The following FRMPD4 variants were observed in gnomAD, a reference collection of about 807,000 sequenced individuals.
FRMPD4 encodes FERM and PDZ domain containing 4.
Under a neutral mutation model 94.1 loss-of-function variants are expected in FRMPD4, and 22 were observed. That is an observed-to-expected ratio of 0.23 (90% CI 0.17 to 0.33). The LOEUF (loss-of-function observed/expected upper bound fraction) is 0.33, where lower values mean the gene tolerates loss of function less well. Ranked by LOEUF, FRMPD4 falls within the 10% of genes least tolerant of loss-of-function variation. The pLI, the probability that FRMPD4 is intolerant of heterozygous loss-of-function variation, is 1.00. For synonymous variants in FRMPD4, 631 were observed against 548.6 expected, an observed-to-expected ratio of 1.15 and a Z score of -2.10; for missense variants, 1,111 against 1,339.9, an observed-to-expected ratio of 0.83 and a Z score of 2.67.
At chrX:12,221,825 A>C (rs891841524) in intron 1 of FRMPD4, among the ~76,000 whole-genome samples, 1 of 112,030 alleles carries the variant, frequency 8.9e-6, no homozygotes, top group Non-Finnish European at 1.9e-5. Context: ...TGCTGTAAAA[A>C]GGTAGAAATG....
chrX:12,681,539 T>C (rs1298467166), intron 5 of FRMPD4, among the ~76,000 whole-genome samples: 1 of 111,544 alleles, frequency 9.0e-6, no homozygotes, highest in Non-Finnish European at 1.9e-5. Flanking sequence ...TCTTAAAACA[T>C]CTTGCATAAA....
At chrX:12,472,581 T>C (rs775457151) in intron 1 of FRMPD4, among the ~76,000 whole-genome samples, 2 of 111,125 alleles carry the variant, frequency 1.8e-5, no homozygotes, top group African/African-American at 6.5e-5. Flanking sequence ...ATTAGACAAA[T>C]GGCTAACTAG....
chrX:12,397,262 T>TA (rs79137864), intron 1 of FRMPD4, among the ~76,000 whole-genome samples: 2 of 104,991 alleles, frequency 1.9e-5, no homozygotes, highest in African/African-American at 6.9e-5. Context: ...AACTTTTTTT[T>TA]AAAAAAAAAA....
At chrX:12,579,402 G>A in intron 2 of FRMPD4, among the ~76,000 whole-genome samples, 1 of 111,825 alleles carries the variant, frequency 8.9e-6, no homozygotes, top group Non-Finnish European at 1.9e-5. Flanking sequence ...ACATTTCAAA[G>A]CCATCTACTA....
rs183406328 is a variant in FRMPD4, at chrX:12,467,814, G to A, written c.42-30866G>A. ...CTGTTCTACATAAGATCCTTTCTATGAGTAATATCTCATGGAGGGATTTGA... is the reference window on the plus strand; with the variant it reads ...CTGTTCTACATAAGATCCTTTCTATAAGTAATATCTCATGGAGGGATTTGA... On this transcript the variant is annotated intron_variant, in intron 1 of 16. Coordinates refer to ENST00000675598, the MANE Select transcript of FRMPD4 (RefSeq NM_001368397.1). Among the ~76,000 whole-genome samples, 312 of 111,880 alleles carry A rather than the reference G, an allele frequency of 2.8e-3. 9 individuals are homozygous for A. The highest frequency in any genetic ancestry group is 0.027 in the Admixed American group (281 of 10,570).
intron 1 of FRMPD4, among the ~76,000 whole-genome samples, chrX:12,469,412 G>A: frequency 9.0e-6 from 1 of 111,125 alleles, no homozygotes; most frequent in South Asian, 3.9e-4. Context: ...GCCTTGCCCA[G>A]CTAATTTTTT....
chrX:12,583,527 A>G lies in FRMPD4; in HGVS notation c.159-26194A>G, dbSNP rs748276403. 1.1e-4 allele frequency: 112 copies of G among 1,050,001 alleles called. No individual in the cohort carries two copies. In the South Asian group the frequency reaches 2.1e-3, roughly 20 times the overall value. The allele number at this position is 1,050,001 out of a possible 1,213,427, so 86.5% of individuals were successfully genotyped here. A position where few individuals can be genotyped will look rare whatever the true frequency, so the allele number is the denominator to read the frequency against. ...TTCTACGTGCCGGGAGCGTTCCCAT[A>G]TTATGATCCTCATAACCAAAACCAC... On this transcript the variant is annotated intron_variant, in intron 2 of 16. Transcript: ENST00000675598.
intron 4 of FRMPD4, among the ~76,000 whole-genome samples, chrX:12,621,968 G>A (rs1385563697): frequency 2.4e-5 from 1 of 41,074 alleles, no homozygotes; most frequent in Admixed American, 3.1e-4. Context: ...AAGAAAGAAA[G>A]AGAAAGAAAG....
chrX:12,362,175 ATTC>A (rs1051739280), intron 1 of FRMPD4, among the ~76,000 whole-genome samples: 8 of 60,327 alleles, frequency 1.3e-4, no homozygotes, highest in African/African-American at 6.3e-4. Context: ...GTAACTGACG[ATTC>A]TTTTTTTTTT....
chrX:12,281,102 C>T (rs1477798905), intron 1 of FRMPD4, among the ~76,000 whole-genome samples: 2 of 112,076 alleles, frequency 1.8e-5, no homozygotes, highest in Non-Finnish European at 3.8e-5. Context: ...ACAATAAAAC[C>T]AGCACCAAGC....
chrX:12,040,823 C>G (rs753808387), intron 3 of FRMPD4, among the ~76,000 whole-genome samples: 1 of 110,949 alleles, frequency 9.0e-6, no homozygotes, highest in Admixed American at 9.5e-5. Flanking sequence ...GCCACCGCAC[C>G]TGGCTTATGT....
intron 1 of FRMPD4, among the ~76,000 whole-genome samples, chrX:12,311,007 G>T (rs1849776679): frequency 8.9e-6 from 1 of 112,375 alleles, no homozygotes; most frequent in Non-Finnish European, 1.9e-5. Context: ...CACATGCATA[G>T]ATTTAAATCT....
intron 1 of FRMPD4, among the ~76,000 whole-genome samples, chrX:12,468,294 G>C (rs976955360): frequency 8.9e-6 from 1 of 112,232 alleles, no homozygotes; most frequent in Non-Finnish European, 1.9e-5. Context: ...ACTTGAAATG[G>C]TGTCAAAGAG....
At chrX:12,298,793 A>G (rs1273453151) in intron 1 of FRMPD4, among the ~76,000 whole-genome samples, 1 of 112,360 alleles carries the variant, frequency 8.9e-6, no homozygotes, top group Non-Finnish European at 1.9e-5. Flanking sequence ...ATCCAACCTA[A>G]AAGGTGCATG....
At chrX:11,911,624 G>T (rs902151291) in intron 3 of FRMPD4, among the ~76,000 whole-genome samples, 3 of 111,703 alleles carry the variant, frequency 2.7e-5, no homozygotes, top group African/African-American at 9.8e-5. Flanking sequence ...GACTGAGTGG[G>T]CAGGGGATGG....
At chrX:12,046,044 G>A (rs1180205253) in intron 3 of FRMPD4, among the ~76,000 whole-genome samples, 2 of 110,835 alleles carry the variant, frequency 1.8e-5, no homozygotes, top group Non-Finnish European at 3.8e-5. Flanking sequence ...ACAAAGATAC[G>A]CACATTCTAA....
chrX:12,141,599 C>T (rs1417418629), intron 1 of FRMPD4, among the ~76,000 whole-genome samples: 2 of 111,132 alleles, frequency 1.8e-5, no homozygotes, highest in Non-Finnish European at 3.8e-5. Flanking sequence ...AAATTGCTGC[C>T]AAGTGTTGGA....
chrX:12,421,885 G>T (rs17328121), intron 1 of FRMPD4, among the ~76,000 whole-genome samples: 15,113 of 109,924 alleles, frequency 0.14, 790 homozygotes, highest in South Asian at 0.23. Context: ...TCTTGCCTTG[G>T]ATATCTTCTT....
At chrX:11,867,522 G>A (rs895329770) in intron 2 of FRMPD4, among the ~76,000 whole-genome samples, 1 of 112,097 alleles carries the variant, frequency 8.9e-6, no homozygotes, top group Non-Finnish European at 1.9e-5. Flanking sequence ...TACCATACCT[G>A]ATTCATAACC....
Sources: gnomAD v4.1 joint callset for allele counts (sites outside exome capture counted in the v4.1 genomes callset) on GRCh38, gnomAD v4.1.1 for gene constraint, MANE v1.5 for transcripts, NCBI Gene and HGNC (gene_info 2026-07-23, HGNC 2026-07-21) for gene names.